The following DNAJC5B variants were observed in gnomAD, a reference collection of about 807,000 sequenced individuals.
DNAJC5B encodes dnaJ homolog subfamily C member 5B.
A neutral mutation model predicts 24.7 loss-of-function variants in DNAJC5B; 23 were observed. That is an observed-to-expected ratio of 0.93 (90% CI 0.67 to 1.32). DNAJC5B has a LOEUF of 1.32. DNAJC5B is among the 40% of genes most tolerant of loss of function. DNAJC5B has a pLI of 0.00. For synonymous variants in DNAJC5B, 101 were observed against 90.1 expected (o/e 1.12, Z -0.68); for missense variants, 238 against 240.8 (o/e 0.99, Z 0.08).
chr8:66,047,594 C>T (rs1586078610), intron 2 of DNAJC5B, among the ~76,000 whole-genome samples: 2 of 152,312 alleles, frequency 1.3e-5, no homozygotes, highest in Admixed American at 6.5e-5. Flanking sequence ...TTAAATGACA[C>T]CATATACGAA....
intron 5 of DNAJC5B, among the ~76,000 whole-genome samples, chr8:66,091,781 G>A (rs980370976): frequency 6.6e-6 from 1 of 152,052 alleles, no homozygotes; most frequent in African/African-American, 2.4e-5. Context: ...AGACTCCATG[G>A]TGAAAAATGC....
intron 1 of DNAJC5B, among the ~76,000 whole-genome samples, chr8:66,032,507 G>A (rs942333082): frequency 4.6e-5 from 7 of 152,168 alleles, no homozygotes; most frequent in African/African-American, 1.7e-4. Flanking sequence ...CTGCTTGGGA[G>A]GGAGGCAGTG....
intron 1 of DNAJC5B, among the ~76,000 whole-genome samples, chr8:66,026,301 T>C (rs2128955654): frequency 6.6e-6 from 1 of 152,112 alleles, no homozygotes; most frequent in Non-Finnish European, 1.5e-5. Flanking sequence ...TGAAGTTGCT[T>C]ATCAGCTTAA....
intron 5 of DNAJC5B, among the ~76,000 whole-genome samples, chr8:66,096,929 G>GAA (rs1807966286): frequency 6.6e-6 from 1 of 152,100 alleles, no homozygotes; most frequent in South Asian, 2.1e-4. Context: ...ACAGACCTCT[G>GAA]AGAAACACTG....
At position 66,076,804 on chromosome 8, in the gene DNAJC5B, C is replaced by CT; in HGVS notation, c.265dup (p.Tyr89LeufsTer12). 6.2e-7 allele frequency: 1 copy of CT among 1,614,180 alleles called. No individual in the cohort carries two copies. Among genetic ancestry groups the CT allele is most frequent in the Middle Eastern group, 1.6e-4 (1 of 6,062 alleles). ...ACGACAAGTACGGATCGCTGGGACT[C>CT]TACGTGGCCGAGCAGTTTGGAGACG... On this transcript the variant is annotated frameshift_variant, in exon 4 of 6. Transcript: ENST00000276570. LOFTEE classifies it high-confidence loss of function.
chr8:66,071,300 A>G (rs764618280), intron 3 of DNAJC5B, among the ~76,000 whole-genome samples: 1 of 152,244 alleles, frequency 6.6e-6, no homozygotes, highest in Admixed American at 6.5e-5. Flanking sequence ...CAATCTATCC[A>G]TCTGACAAAG....
At chr8:66,089,830 G>C (rs1807807669) in intron 5 of DNAJC5B, among the ~76,000 whole-genome samples, 1 of 152,064 alleles carries the variant, frequency 6.6e-6, no homozygotes, top group African/African-American at 2.4e-5. Context: ...GGCAACTACA[G>C]AACTTATAAG....
At chr8:66,023,871 GT>G (rs1308812707) in intron 1 of DNAJC5B, among the ~76,000 whole-genome samples, 1 of 152,156 alleles carries the variant, frequency 6.6e-6, no homozygotes, top group African/African-American at 2.4e-5. Flanking sequence ...TCTTGCATCC[GT>G]AATTAATCTG....
intron 5 of DNAJC5B, among the ~76,000 whole-genome samples, chr8:66,091,648 A>G (rs1016114766): frequency 6.6e-6 from 1 of 152,192 alleles, no homozygotes; most frequent in African/African-American, 2.4e-5. Flanking sequence ...ATATGCTTAG[A>G]CAAAGGTTCA....
chr8:66,040,200 G>A (rs1456642644), intron 1 of DNAJC5B, among the ~76,000 whole-genome samples: 2 of 152,026 alleles, frequency 1.3e-5, no homozygotes, highest in Admixed American at 6.6e-5. Flanking sequence ...GACCATCCTG[G>A]CCAACATGGT....
At chr8:66,020,572 G>A (rs1806085338), upstream of DNAJC5B, among the ~76,000 whole-genome samples, 1 of 147,072 alleles carries the variant, frequency 6.8e-6, no homozygotes, top group African/African-American at 2.5e-5. Flanking sequence ...CTAGAACCTG[G>A]TATAGCGCTG....
chr8:66,069,263 T>C (rs1411505043), intron 3 of DNAJC5B, among the ~76,000 whole-genome samples: 2 of 151,848 alleles, frequency 1.3e-5, no homozygotes, highest in African/African-American at 4.8e-5. Flanking sequence ...AATGCTTCAA[T>C]TAAAAGAAAA....
chr8:66,020,652 G>T (rs1037052257), upstream of DNAJC5B, among the ~76,000 whole-genome samples: 5 of 135,020 alleles, frequency 3.7e-5, no homozygotes, highest in Admixed American at 2.4e-4. Flanking sequence ...GTGTGTGTGT[G>T]TTTTAGACAA....
At chr8:66,098,431 G>C (rs961665057) in intron 5 of DNAJC5B, among the ~76,000 whole-genome samples, 1 of 151,770 alleles carries the variant, frequency 6.6e-6, no homozygotes, top group African/African-American at 2.4e-5. Context: ...TTGATCTCCT[G>C]ACCTCATGAT....
chr8:66,051,691 C>T lies in DNAJC5B; in HGVS notation c.119+25C>T, dbSNP rs148319604. ...GGTACGGATTTCAATGGTGACATTT[C>T]TTCTGCTACTAGTGAGTTATTTTGT... On this transcript the variant is annotated intron_variant, in intron 3 of 5. Transcript: ENST00000276570. The T allele has an allele frequency of 8.5e-6, 13 of 1,537,042 alleles. No homozygotes were observed. The African/African-American group carries it at 9.6e-5, about 11-fold the overall frequency.
chr8:66,051,456 A>G (rs1396677114), intron 2 of DNAJC5B, 75 bp from the exon 3 acceptor site: 1 of 852,630 alleles, frequency 1.2e-6, no homozygotes, highest in African/African-American at 1.7e-5. Flanking sequence ...ACAAAAGGTC[A>G]AAAATGAGCT....
intron 3 of DNAJC5B, among the ~76,000 whole-genome samples, chr8:66,053,403 T>C (rs990410845): frequency 2.0e-5 from 3 of 152,218 alleles, no homozygotes; most frequent in Admixed American, 6.5e-5. Flanking sequence ...TTTTGGTGAC[T>C]GATGATTAAA....
intron 3 of DNAJC5B, among the ~76,000 whole-genome samples, chr8:66,053,526 C>T (rs558647171): frequency 2.5e-4 from 38 of 152,110 alleles, no homozygotes; most frequent in African/African-American, 9.2e-4. Flanking sequence ...AATCCTACCT[C>T]CAGTAATAAT....
chr8:66,064,674 C>A (rs1158063939), intron 3 of DNAJC5B, among the ~76,000 whole-genome samples: 1 of 152,172 alleles, frequency 6.6e-6, no homozygotes, highest in Non-Finnish European at 1.5e-5. Flanking sequence ...ATGCAGCCTA[C>A]AGATTCTGAG....
Sources: allele counts gnomAD v4.1 joint callset (sites outside exome capture counted in the v4.1 genomes callset), GRCh38; gene constraint gnomAD v4.1.1; transcripts MANE v1.5; gene names NCBI Gene and HGNC (gene_info 2026-07-23, HGNC 2026-07-21).